Variants in CD226 observed in about 807,000 individuals in gnomAD.
CD226 encodes CD226 antigen.
Under a neutral mutation model 34.9 loss-of-function variants are expected in CD226, and 24 were observed. That is an observed-to-expected ratio of 0.69 (90% confidence interval 0.50 to 0.97). The LOEUF (loss-of-function observed/expected upper bound fraction) is 0.97, where lower values mean the gene tolerates loss of function less well. CD226 is among the 50% of genes least tolerant of loss of function. The probability of loss-of-function intolerance (pLI) is 0.00; values close to 1 mark genes in which losing one functional copy is unlikely to be tolerated. For missense variants in CD226, 397 were observed against 412.7 expected (o/e 0.96, Z 0.33); for synonymous variants, 148 against 147.4 (o/e 1.00, Z -0.03).
chr18:69,905,956 AACT>A (rs1315260661), intron 2 of CD226, among the ~76,000 whole-genome samples: 1 of 152,234 alleles, frequency 6.6e-6, no homozygotes, highest in African/African-American at 2.4e-5. Flanking sequence ...TAGGACTCCA[AACT>A]TAAGCTGTTC....
At chr18:69,922,978 C>T (rs1210250234) in intron 2 of CD226, among the ~76,000 whole-genome samples, 1 of 151,894 alleles carries the variant, frequency 6.6e-6, no homozygotes, top group Admixed American at 6.6e-5. Flanking sequence ...ACTAAAATTA[C>T]AAAAATTAGC....
chr18:69,870,922 T>G (rs541749083), intron 4 of CD226, among the ~76,000 whole-genome samples: 1 of 152,296 alleles, frequency 6.6e-6, no homozygotes, highest in Non-Finnish European at 1.5e-5. Context: ...CTGATACTAG[T>G]GACGAGGCAG....
chr18:69,910,082 G>C (rs985444826), intron 2 of CD226, among the ~76,000 whole-genome samples: 8 of 152,208 alleles, frequency 5.3e-5, no homozygotes, highest in Non-Finnish European at 7.3e-5. Context: ...ACACAAGAAC[G>C]GCAGCCTGAA....
intron 2 of CD226, among the ~76,000 whole-genome samples, chr18:69,944,996 T>C (rs776731778): frequency 6.6e-6 from 1 of 152,216 alleles, no homozygotes; most frequent in Non-Finnish European, 1.5e-5. Flanking sequence ...ATATTCCTCA[T>C]ATAATTCTGT....
intron 3 of CD226, among the ~76,000 whole-genome samples, chr18:69,880,937 C>G (rs1172739605): frequency 6.6e-6 from 1 of 152,112 alleles, no homozygotes; most frequent in East Asian, 1.9e-4. Context: ...AGGCGTGAGC[C>G]ACAGCACCCA....
intron 2 of CD226, among the ~76,000 whole-genome samples, chr18:69,916,005 A>G (rs1012097916): frequency 1.3e-5 from 2 of 152,208 alleles, no homozygotes; most frequent in South Asian, 2.1e-4. Flanking sequence ...TTTCAGAGGT[A>G]TATTACTGTA....
At chr18:69,888,393 CACTG>C (rs987964920) in intron 3 of CD226, among the ~76,000 whole-genome samples, 1 of 150,660 alleles carries the variant, frequency 6.6e-6, no homozygotes, top group Non-Finnish European at 1.5e-5. Context: ...TGTAGCCATG[CACTG>C]ACTATTTTTT....
chr18:69,898,871 G>A (rs1985452204), intron 2 of CD226, among the ~76,000 whole-genome samples: 1 of 152,178 alleles, frequency 6.6e-6, no homozygotes, highest in Non-Finnish European at 1.5e-5. Flanking sequence ...AGAACCGTGG[G>A]ATCCTGATGA....
rs574885525 is a variant in CD226 at position 69,873,077 on chromosome 18, T to A, written c.830+67A>T. On this transcript the variant is annotated intron_variant, in intron 4 of 5. Coordinates refer to ENST00000582621, the MANE Select transcript of CD226 (RefSeq NM_001303618.2). ...GTGAATGCTGAGACAGCTTGACAAATTACTGGGTTATTAATAGAGAACCTC... is the reference window on the plus strand; with the variant it reads ...GTGAATGCTGAGACAGCTTGACAAAATACTGGGTTATTAATAGAGAACCTC... The A allele has an allele frequency of 4.7e-5, 41 of 876,308 alleles. No individual in the cohort carries two copies. In the East Asian group the frequency reaches 1.0e-3, roughly 22 times the overall value. The allele number at this position is 876,308 out of a possible 1,614,324, so 54.3% of individuals were successfully genotyped here.
At position 69,876,242 on chromosome 18, in the gene CD226, TC is replaced by T. The variant is rs367596555; in HGVS notation, c.728-2997del. 7.9e-5 allele frequency among the ~76,000 whole-genome samples: 12 copies of T among 152,330 alleles called. No homozygotes were observed. The East Asian group carries it at 1.7e-3, about 22-fold the overall frequency. ...GCTTAAAAAAGAATATTTTATCAAA[TC>T]TTAGTGGTTAAAGTACAGGATGTAG... On this transcript the variant is annotated intron_variant, in intron 3 of 5. Coordinates refer to ENST00000582621, the MANE Select transcript of CD226 (RefSeq NM_001303618.2).
At chr18:69,873,352 AC>A in intron 3 of CD226, 106 bp from the exon 4 acceptor site, 1 of 624,114 alleles carries the variant, frequency 1.6e-6, no homozygotes, top group South Asian at 2.0e-5. Flanking sequence ...AGTAACAAAA[AC>A]AAAGAATCCA....
intron 3 of CD226, among the ~76,000 whole-genome samples, chr18:69,882,035 C>T (rs568068815): frequency 2.0e-5 from 3 of 152,212 alleles, no homozygotes; most frequent in Non-Finnish European, 4.4e-5. Flanking sequence ...GCCATGGCTT[C>T]AACCTCTAAT....
intron 3 of CD226, among the ~76,000 whole-genome samples, chr18:69,888,568 T>C (rs1341511757): frequency 6.6e-6 from 1 of 152,020 alleles, no homozygotes; most frequent in African/African-American, 2.4e-5. Context: ...GAATTTTAAG[T>C]AGGAAGAAAA....
chr18:69,947,088 CATTA>C lies in CD226; in HGVS notation c.47-23_47-20del, dbSNP rs1447727165. 1 of 1,580,810 alleles carries C rather than the reference CATTA, an allele frequency of 6.3e-7. No individual in the cohort carries two copies. Among genetic ancestry groups the C allele is most frequent in the South Asian group, 1.1e-5 (1 of 89,528 alleles). On this transcript the variant is annotated intron_variant, in intron 1 of 5. Transcript: ENST00000582621. ...CATAGAGCTGAAATATACAACATCACATTAATTGTTAGCCTTGATGATGGAAACA... is the reference window on the plus strand; with the variant it reads ...CATAGAGCTGAAATATACAACATCACATTGTTAGCCTTGATGATGGAAACA...
intron 5 of CD226, among the ~76,000 whole-genome samples, chr18:69,866,332 T>C (rs917009893): frequency 2.6e-5 from 4 of 152,030 alleles, no homozygotes; most frequent in East Asian, 3.9e-4. Flanking sequence ...AGGAAGAGAT[T>C]TGAAGTATAG....
At chr18:69,901,539 T>C (rs2055182988) in intron 2 of CD226, among the ~76,000 whole-genome samples, 5 of 152,190 alleles carry the variant, frequency 3.3e-5, no homozygotes, top group Admixed American at 3.3e-4. Flanking sequence ...TATGCTATTC[T>C]TTCTATTTTT....
upstream of CD226, among the ~76,000 whole-genome samples, chr18:69,959,777 G>C (rs1006688956): frequency 2.0e-5 from 3 of 152,170 alleles, no homozygotes; most frequent in African/African-American, 4.8e-5. Flanking sequence ...GCTGACTGAC[G>C]ATACCTGAGC....
In CD226 at chr18:69,917,788, T is replaced by C. The variant is rs1444648586; in HGVS notation, c.383-21743A>G. ...AGCTTCTTGGACAAGGGGGGAGTCA[T>C]TGAAAAGGATCAAAGATTGAGTCTC... On this transcript the variant is annotated intron_variant, in intron 2 of 5. Coordinates refer to ENST00000582621, the MANE Select transcript of CD226 (RefSeq NM_001303618.2). Among the ~76,000 whole-genome samples, 5 of 152,290 alleles carry C rather than the reference T, an allele frequency of 3.3e-5. No individual in the cohort carries two copies. The South Asian group carries it at 1.0e-3, about 32-fold the overall frequency.
intron 2 of CD226, among the ~76,000 whole-genome samples, chr18:69,901,267 A>C (rs2055179014): frequency 6.6e-6 from 1 of 152,204 alleles, no homozygotes. Flanking sequence ...GAACTGGAGA[A>C]ATGCAAAGTA....
Sources: gnomAD v4.1 joint callset for allele counts (sites outside exome capture counted in the v4.1 genomes callset) on GRCh38, gnomAD v4.1.1 for gene constraint, MANE v1.5 for transcripts, NCBI Gene and HGNC (gene_info 2026-07-23, HGNC 2026-07-21) for gene names.